ATP13A5: variants seen among roughly 807,000 people sequenced by gnomAD.
ATP13A5 encodes probable cation-transporting ATPase 13A5.
In ATP13A5, 149 loss-of-function variants were observed where a neutral mutation model predicts 150.2. The observed-to-expected ratio is 0.99, with a 90% CI of 0.87 to 1.14. The LOEUF is 1.14. Among genes scored for constraint, ATP13A5 ranks in the 50% most tolerant of loss-of-function variants. The pLI is 0.00. For synonymous variants in ATP13A5, 497 were observed against 522.2 expected, an observed-to-expected ratio of 0.95 and a Z score of 0.66; for missense variants, 1,383 against 1,449.3, an observed-to-expected ratio of 0.95 and a Z score of 0.74.
chr3:193,316,217 C>A (rs80162581), intron 17 of ATP13A5, among the ~76,000 whole-genome samples: 1,888 of 152,026 alleles, frequency 0.012, 25 homozygotes, highest in Middle Eastern at 0.037. Flanking sequence ...CAATGATGAA[C>A]ATTTAGGTTG....
chr3:193,344,383 T>C (rs773215204), intron 8 of ATP13A5, among the ~76,000 whole-genome samples: 1 of 152,204 alleles, frequency 6.6e-6, no homozygotes, highest in Non-Finnish European at 1.5e-5. Context: ...TTCTGATTCC[T>C]GTGGTTGGTA....
In ATP13A5 at chr3:193,374,205, T is replaced by G. The variant is rs553360826; in HGVS notation, c.63+4458A>C. Among the ~76,000 whole-genome samples, 4 of 152,160 alleles carry G rather than the reference T, an allele frequency of 2.6e-5. No individual in the cohort carries two copies. The South Asian group carries it at 8.3e-4, about 32-fold the overall frequency. ...GGGTAAAATGATAAAATAATACCTATCGGTCATTGAGAACGTTCCAGCCTT... is the reference window on the plus strand; with the variant it reads ...GGGTAAAATGATAAAATAATACCTAGCGGTCATTGAGAACGTTCCAGCCTT... On this transcript the variant is annotated intron_variant, in intron 1 of 29. Transcript: ENST00000342358.
chr3:193,289,092 A>G (rs960214465), intron 26 of ATP13A5, among the ~76,000 whole-genome samples: 4 of 152,132 alleles, frequency 2.6e-5, no homozygotes, highest in African/African-American at 4.8e-5. Context: ...CTAGTTTTCA[A>G]TCTGTTTTAC....
intron 25 of ATP13A5, among the ~76,000 whole-genome samples, chr3:193,292,457 T>C (rs4234627): frequency 0.86 from 130,177 of 152,130 alleles, 55,752 homozygotes; most frequent in East Asian, 0.98. Flanking sequence ...GTGGGGTGTA[T>C]TTTGTCATCC....
chr3:193,331,893 A>G (rs1432873315), intron 11 of ATP13A5, among the ~76,000 whole-genome samples: 1 of 152,186 alleles, frequency 6.6e-6, no homozygotes, highest in Non-Finnish European at 1.5e-5. Flanking sequence ...TAACAATTAA[A>G]TAATTTTCCC....
chr3:193,349,809 T>A (rs73076703), intron 7 of ATP13A5, among the ~76,000 whole-genome samples: 4,544 of 152,230 alleles, frequency 0.03, 200 homozygotes, highest in African/African-American at 0.1. Flanking sequence ...TTTAAAAAAA[T>A]TCTTTCATTT....
At chr3:193,302,329 T>C (rs1718432031) in intron 23 of ATP13A5, among the ~76,000 whole-genome samples, 1 of 152,192 alleles carries the variant, frequency 6.6e-6, no homozygotes, top group Non-Finnish European at 1.5e-5. Flanking sequence ...TGTGAGGTGC[T>C]GTCGTTTGTT....
chr3:193,292,631 T>C (rs1718012172), intron 25 of ATP13A5, among the ~76,000 whole-genome samples: 1 of 152,014 alleles, frequency 6.6e-6, no homozygotes, highest in South Asian at 2.1e-4. Flanking sequence ...GAATGAAAAA[T>C]GTGGAGTAGA....
At chr3:193,352,492 GGTT>G (rs924506145) in intron 6 of ATP13A5, among the ~76,000 whole-genome samples, 510 of 34,192 alleles carry the variant, frequency 0.015, 6 homozygotes, top group African/African-American at 0.064. Context: ...AGTTGTACTT[GGTT>G]TTTTTTTTCT....
chr3:193,340,510 G>T (rs1168919576), intron 9 of ATP13A5, among the ~76,000 whole-genome samples: 1 of 152,188 alleles, frequency 6.6e-6, no homozygotes, highest in East Asian at 1.9e-4. Context: ...ATCGATGTGA[G>T]ATCATCACTT....
At chr3:193,370,018 C>A (rs2108584415) in intron 1 of ATP13A5, among the ~76,000 whole-genome samples, 1 of 152,258 alleles carries the variant, frequency 6.6e-6, no homozygotes, top group Non-Finnish European at 1.5e-5. Flanking sequence ...TCCATGAGGC[C>A]AGGAACCCAG....
At chr3:193,376,478 C>T (rs1467279358) in intron 1 of ATP13A5, among the ~76,000 whole-genome samples, 6 of 152,206 alleles carry the variant, frequency 3.9e-5, no homozygotes, top group African/African-American at 1.4e-4. Flanking sequence ...TCCCAAAGTG[C>T]TGGGATTACA....
At chr3:193,283,071 G>C (rs1717568669) in intron 27 of ATP13A5, among the ~76,000 whole-genome samples, 1 of 151,998 alleles carries the variant, frequency 6.6e-6, no homozygotes, top group Admixed American at 6.6e-5. Context: ...AAACTATATA[G>C]ACATACACAT....
At chr3:193,366,675 C>A (rs1191502214) in intron 1 of ATP13A5, among the ~76,000 whole-genome samples, 2 of 151,976 alleles carry the variant, frequency 1.3e-5, no homozygotes, top group African/African-American at 4.8e-5. Flanking sequence ...CTCTCAATAA[C>A]CAGCAGAATA....
intron 1 of ATP13A5, among the ~76,000 whole-genome samples, chr3:193,374,845 A>G (rs1043071273): frequency 6.6e-6 from 1 of 152,170 alleles, no homozygotes; most frequent in Non-Finnish European, 1.5e-5. Context: ...TTTTCACCCT[A>G]GTGGGTTAGT....
chr3:193,299,845 T>A (rs1207920013), intron 24 of ATP13A5, among the ~76,000 whole-genome samples: 1 of 152,150 alleles, frequency 6.6e-6, no homozygotes, highest in African/African-American at 2.4e-5. Flanking sequence ...GCCAGGTCTG[T>A]TTATCTGTTT....
chr3:193,357,962 TATTC>T (rs925323398), intron 5 of ATP13A5, among the ~76,000 whole-genome samples: 7 of 121,180 alleles, frequency 5.8e-5, no homozygotes, highest in African/African-American at 2.3e-4. Flanking sequence ...TTTCATTTGT[TATTC>T]ATTCATTCAT....
At chr3:193,324,163 A>C (rs1165000317) in intron 14 of ATP13A5, among the ~76,000 whole-genome samples, 1 of 152,102 alleles carries the variant, frequency 6.6e-6, no homozygotes, top group Non-Finnish European at 1.5e-5. Flanking sequence ...TGAAATGCAG[A>C]GGGTTTTCCA....
chr3:193,313,580 T>A (rs1718934670), intron 19 of ATP13A5: 1 of 157,514 alleles, frequency 6.3e-6, no homozygotes, highest in African/African-American at 2.4e-5. Flanking sequence ...TGGAATCAAA[T>A]AGGCCTAAGT....
Sources: allele counts gnomAD v4.1 joint callset (sites outside exome capture counted in the v4.1 genomes callset), GRCh38; gene constraint gnomAD v4.1.1; transcripts MANE v1.5; gene names NCBI Gene and HGNC (gene_info 2026-07-23, HGNC 2026-07-21).